The following ASIC2 variants were observed in gnomAD, a reference collection of about 807,000 sequenced individuals.
The protein encoded by ASIC2 is acid-sensing ion channel 2.
A neutral mutation model predicts 57.3 loss-of-function variants in ASIC2; 25 were observed. The observed-to-expected ratio is 0.44, with a 90% CI of 0.32 to 0.61. The LOEUF (loss-of-function observed/expected upper bound fraction) is 0.61, where lower values mean the gene tolerates loss of function less well. Among genes scored for constraint, ASIC2 ranks in the 20% least tolerant of loss-of-function variants. The pLI is 0.06. For synonymous variants in ASIC2, 319 were observed against 307.5 expected (o/e 1.04, Z -0.39); for missense variants, 641 against 738.1 (o/e 0.87, Z 1.52).
intron 1 of ASIC2, among the ~76,000 whole-genome samples, chr17:33,539,889 C>T (rs750667157): frequency 2.0e-5 from 3 of 152,208 alleles, no homozygotes; most frequent in African/African-American, 7.2e-5. Flanking sequence ...CGAAAAGGTG[C>T]TATCCAGGCT....
At chr17:33,412,311 A>T (rs544632147) in intron 1 of ASIC2, among the ~76,000 whole-genome samples, 12 of 152,284 alleles carry the variant, frequency 7.9e-5, no homozygotes, top group African/African-American at 2.9e-4. Context: ...GATCACCAGG[A>T]TGTCATGAAT....
chr17:33,683,041 C>G (rs1567687930), intron 1 of ASIC2, among the ~76,000 whole-genome samples: 1 of 152,302 alleles, frequency 6.6e-6, no homozygotes, highest in South Asian at 2.1e-4. Flanking sequence ...GTTATAGAGG[C>G]TAGAAGTTTG....
chr17:34,117,307 A>G (rs1911456336), intron 1 of ASIC2, among the ~76,000 whole-genome samples: 1 of 152,230 alleles, frequency 6.6e-6, no homozygotes, highest in Non-Finnish European at 1.5e-5. Flanking sequence ...CCACATGTAT[A>G]AGTGAGTACA....
intron 1 of ASIC2, among the ~76,000 whole-genome samples, chr17:33,213,181 G>A (rs1907343866): frequency 1.3e-5 from 2 of 152,234 alleles, no homozygotes; most frequent in Admixed American, 1.3e-4. Context: ...ATCCCACAGG[G>A]GGAAGCTCCA....
chr17:33,312,397 C>T (rs1337493513), intron 1 of ASIC2, among the ~76,000 whole-genome samples: 2 of 152,162 alleles, frequency 1.3e-5, no homozygotes, highest in Non-Finnish European at 2.9e-5. Context: ...AGTGACCTTT[C>T]TGCCAAATGT....
chr17:33,581,050 G>T (rs1018330213), intron 1 of ASIC2: 2 of 152,208 alleles, frequency 1.3e-5, no homozygotes, highest in Admixed American at 1.3e-4. Context: ...TACAGCAAAA[G>T]AAGTTTTGCA....
In ASIC2 at chr17:33,973,133, G is replaced by A. The variant is rs564946451; in HGVS notation, c.555+182845C>T. 4.7e-3 allele frequency among the ~76,000 whole-genome samples: 716 copies of A among 152,348 alleles called. 5 individuals are homozygous for A. Among genetic ancestry groups the A allele is most frequent in the African/African-American group, 0.017 (686 of 41,574 alleles). ...TGCTAGAGTTTCTGGGCTGGAAGCA[G>A]GAGCAGAAACCTTCTCCACAGAGAC... On this transcript the variant is annotated intron_variant, in intron 1 of 9. Coordinates refer to the ASIC2 transcript ENST00000359872.
intron 1 of ASIC2, among the ~76,000 whole-genome samples, chr17:33,971,281 C>A (rs189135655): frequency 1.3e-5 from 2 of 152,074 alleles, no homozygotes; most frequent in African/African-American, 2.4e-5. Context: ...GGTCAAAACA[C>A]GATAAAACAC....
intron 1 of ASIC2, among the ~76,000 whole-genome samples, chr17:33,693,554 G>A (rs35548123): frequency 0.027 from 4,142 of 152,274 alleles, 193 homozygotes; most frequent in African/African-American, 0.095. Flanking sequence ...AGGGGACAAA[G>A]CAGGATCATC....
rs576589620 is a variant in ASIC2 at position 33,754,480 on chromosome 17, G to A, written c.555+401498C>T. On this transcript the variant is annotated intron_variant, in intron 1 of 9. Coordinates refer to the ASIC2 transcript ENST00000359872. ...AGCTCCTGGGGGCTTCCTGCTCCTG[G>A]GAGCAGCTAATTGTTTATGCATCTC... Among the ~76,000 whole-genome samples, 9 of 152,112 alleles carry A rather than the reference G, an allele frequency of 5.9e-5. No individual in the cohort carries two copies. In the East Asian group the frequency reaches 1.7e-3, roughly 30 times the overall value.
chr17:33,132,078 C>T (rs1237428597), intron 1 of ASIC2, among the ~76,000 whole-genome samples: 4 of 152,194 alleles, frequency 2.6e-5, no homozygotes, highest in African/African-American at 9.7e-5. Flanking sequence ...ATCAATGCTA[C>T]CTGCACTGGG....
At chr17:33,848,511 G>C (rs1470965585) in intron 1 of ASIC2, among the ~76,000 whole-genome samples, 1 of 152,076 alleles carries the variant, frequency 6.6e-6, no homozygotes, top group Non-Finnish European at 1.5e-5. Flanking sequence ...GCTTCAAAAG[G>C]GCCAAGCTTT....
intron 1 of ASIC2, among the ~76,000 whole-genome samples, chr17:33,931,779 C>G (rs989425773): frequency 6.6e-6 from 1 of 152,202 alleles, no homozygotes; most frequent in Non-Finnish European, 1.5e-5. Flanking sequence ...GAAGGGCCTT[C>G]TGAACATGGG....
chr17:33,916,059 C>G (rs1915577552), intron 1 of ASIC2, among the ~76,000 whole-genome samples: 1 of 152,200 alleles, frequency 6.6e-6, no homozygotes, highest in African/African-American at 2.4e-5. Context: ...TGCCTACTTT[C>G]CTACCTCCTT....
chr17:33,502,315 C>A (rs1349821143), intron 1 of ASIC2, among the ~76,000 whole-genome samples: 1 of 152,192 alleles, frequency 6.6e-6, no homozygotes, highest in Non-Finnish European at 1.5e-5. Flanking sequence ...GGAGATGTTC[C>A]TGCTGTGTCT....
chr17:33,838,096 A>G (rs568356133), intron 1 of ASIC2, among the ~76,000 whole-genome samples: 2 of 152,194 alleles, frequency 1.3e-5, no homozygotes, highest in Non-Finnish European at 2.9e-5. Flanking sequence ...TTGAAGCAGT[A>G]GTTTTGTGTT....
intron 1 of ASIC2, among the ~76,000 whole-genome samples, chr17:33,713,425 C>T (rs1219825892): frequency 6.6e-6 from 1 of 152,198 alleles, no homozygotes; most frequent in Non-Finnish European, 1.5e-5. Context: ...CTTTGGTAAT[C>T]TGTGCAGCTG....
rs542355414 is a variant in ASIC2, at chr17:33,970,681, G to C, written c.555+185297C>G. 2.6e-5 allele frequency among the ~76,000 whole-genome samples: 4 copies of C among 152,324 alleles called. No homozygotes were observed. In the East Asian group the frequency reaches 7.7e-4, roughly 29 times the overall value. On this transcript the variant is annotated intron_variant, in intron 1 of 9. Coordinates refer to the ASIC2 transcript ENST00000359872. ...AAGGCTAACTCAACAAGGAGTTTTT[G>C]TGAAGAGTTGTAAGCACTCATTGAG...
intron 1 of ASIC2, among the ~76,000 whole-genome samples, chr17:33,121,990 G>A (rs909593792): frequency 1.3e-5 from 2 of 152,176 alleles, no homozygotes; most frequent in Non-Finnish European, 2.9e-5. Context: ...TAAATAAGAG[G>A]AAGCACATTT....
Sources: gnomAD v4.1 joint callset for allele counts (sites outside exome capture counted in the v4.1 genomes callset) on GRCh38, gnomAD v4.1.1 for gene constraint, MANE v1.5 for transcripts, NCBI Gene and HGNC (gene_info 2026-07-23, HGNC 2026-07-21) for gene names.